Variants in MACROD2 observed in about 807,000 individuals in gnomAD.
The protein encoded by MACROD2 is mono-ADP ribosylhydrolase 2.
MACROD2 carries 36 observed loss-of-function variants against 70.4 expected under a neutral mutation model. The observed-to-expected ratio is 0.51, with a 90% CI of 0.39 to 0.68. The LOEUF is 0.68. Ranked by LOEUF, MACROD2 falls within the 30% of genes least tolerant of loss-of-function variation. The pLI is 0.00. For synonymous variants in MACROD2, 172 were observed against 178.8 expected (o/e 0.96, Z 0.30); for missense variants, 496 against 538.4 (o/e 0.92, Z 0.78).
At chr20:14,354,753 C>T (rs1164666440) in intron 3 of MACROD2, among the ~76,000 whole-genome samples, 2 of 152,010 alleles carry the variant, frequency 1.3e-5, no homozygotes, top group Non-Finnish European at 2.9e-5. Flanking sequence ...CCCTTGTTCC[C>T]CTCTCTCCCT....
At chr20:14,217,080 G>A (rs1286693130) in intron 3 of MACROD2, among the ~76,000 whole-genome samples, 2 of 152,110 alleles carry the variant, frequency 1.3e-5, no homozygotes, top group Admixed American at 1.3e-4. Context: ...TCCTTGTGTT[G>A]TTCCAGTTCT....
intron 5 of MACROD2, among the ~76,000 whole-genome samples, chr20:14,809,569 A>G (rs1414255285): frequency 6.6e-6 from 1 of 152,070 alleles, no homozygotes; most frequent in Non-Finnish European, 1.5e-5. Flanking sequence ...GCAGAAGACA[A>G]GAAATAACCA....
intron 8 of MACROD2, among the ~76,000 whole-genome samples, chr20:15,661,409 A>T (rs1418429690): frequency 6.6e-6 from 1 of 152,194 alleles, no homozygotes. Flanking sequence ...ATATGAAAAG[A>T]AGGGAAAACC....
At chr20:14,899,219 G>A (rs1441901691) in intron 5 of MACROD2, among the ~76,000 whole-genome samples, 1 of 152,144 alleles carries the variant, frequency 6.6e-6, no homozygotes, top group Non-Finnish European at 1.5e-5. Context: ...TAAAATCAGT[G>A]TCACTTTCCT....
chr20:14,350,194 G>T (rs980010780), intron 3 of MACROD2, among the ~76,000 whole-genome samples: 1 of 152,110 alleles, frequency 6.6e-6, no homozygotes, highest in Non-Finnish European at 1.5e-5. Flanking sequence ...AAACATGAGC[G>T]TGCAAATATT....
chr20:15,353,283 C>G (rs555913115), intron 6 of MACROD2, among the ~76,000 whole-genome samples: 12 of 152,008 alleles, frequency 7.9e-5, no homozygotes, highest in East Asian at 3.9e-4. Flanking sequence ...ATGGTGCTGG[C>G]AAAACTGGCT....
intron 5 of MACROD2, among the ~76,000 whole-genome samples, chr20:15,151,221 G>A (rs922982621): frequency 5.9e-5 from 9 of 152,174 alleles, no homozygotes; most frequent in African/African-American, 1.9e-4. Flanking sequence ...CCACAGAGAT[G>A]GGACGCGGCT....
intron 10 of MACROD2, among the ~76,000 whole-genome samples, chr20:15,892,324 C>G (rs151056824): frequency 6.6e-6 from 1 of 152,140 alleles, no homozygotes; most frequent in Non-Finnish European, 1.5e-5. Flanking sequence ...GAAATAAACT[C>G]GGAGATGCTT....
chr20:15,113,423 A>G (rs572892249), intron 5 of MACROD2, among the ~76,000 whole-genome samples: 1 of 152,272 alleles, frequency 6.6e-6, no homozygotes, highest in Non-Finnish European at 1.5e-5. Context: ...TAAAAGTCAT[A>G]TTGAATAAAG....
chr20:14,937,847 C>T (rs2074354317), intron 5 of MACROD2, among the ~76,000 whole-genome samples: 1 of 152,048 alleles, frequency 6.6e-6, no homozygotes, highest in Admixed American at 6.6e-5. Flanking sequence ...CCCCCTTACC[C>T]TTCCTAGCCT....
chr20:15,733,995 T>C (rs1385264239), intron 8 of MACROD2, among the ~76,000 whole-genome samples: 1 of 152,156 alleles, frequency 6.6e-6, no homozygotes. Flanking sequence ...TGCTAGGAAA[T>C]GTGTGTTAAA....
intron 13 of MACROD2, among the ~76,000 whole-genome samples, chr20:15,984,609 C>T (rs532433225): frequency 2.7e-5 from 4 of 150,554 alleles, no homozygotes; most frequent in Non-Finnish European, 4.4e-5. Context: ...CTATATAACA[C>T]TCTTTTTACA....
chr20:14,707,404 G>A (rs1023674765), intron 5 of MACROD2, among the ~76,000 whole-genome samples: 4 of 152,006 alleles, frequency 2.6e-5, no homozygotes, highest in South Asian at 2.1e-4. Flanking sequence ...GAAGAGCCTC[G>A]GTTTTCTTTC....
chr20:15,520,399 G>A (rs918400473), intron 8 of MACROD2, among the ~76,000 whole-genome samples: 1 of 152,232 alleles, frequency 6.6e-6, no homozygotes, highest in African/African-American at 2.4e-5. Context: ...GCGAGTCAAA[G>A]TGCCAATGAA....
At chr20:15,658,702 A>G (rs1032815236) in intron 8 of MACROD2, among the ~76,000 whole-genome samples, 1 of 152,202 alleles carries the variant, frequency 6.6e-6, no homozygotes, top group South Asian at 2.1e-4. Flanking sequence ...TGATTTCCAA[A>G]GAAACTTTCT....
At chr20:14,534,609 T>A (rs1187092062) in intron 4 of MACROD2, among the ~76,000 whole-genome samples, 2 of 152,260 alleles carry the variant, frequency 1.3e-5, no homozygotes, top group Non-Finnish European at 2.9e-5. Context: ...CATTTCAATG[T>A]GTAGCATTTC....
intron 5 of MACROD2, among the ~76,000 whole-genome samples, chr20:15,098,554 A>G (rs1272061579): frequency 6.6e-6 from 1 of 152,232 alleles, no homozygotes; most frequent in Admixed American, 6.5e-5. Flanking sequence ...ACCTTCTTGC[A>G]TAGTTATTCA....
At chr20:14,476,191 T>A (rs1051275777) in intron 3 of MACROD2, among the ~76,000 whole-genome samples, 1 of 152,180 alleles carries the variant, frequency 6.6e-6, no homozygotes, top group Admixed American at 6.5e-5. Context: ...TTTATTAGAA[T>A]TAAACTGTAG....
intron 4 of MACROD2, among the ~76,000 whole-genome samples, chr20:14,620,267 G>A (rs1346815017): frequency 6.6e-6 from 1 of 151,982 alleles, no homozygotes; most frequent in Non-Finnish European, 1.5e-5. Context: ...CTGTCCAAGT[G>A]ACCCATATGT....
Sources: gnomAD v4.1 joint callset for allele counts (sites outside exome capture counted in the v4.1 genomes callset) on GRCh38, gnomAD v4.1.1 for gene constraint, MANE v1.5 for transcripts, NCBI Gene and HGNC (gene_info 2026-07-23, HGNC 2026-07-21) for gene names.